Variants in ELP3 observed in about 807,000 individuals in gnomAD.
ELP3 encodes the protein elongator complex protein 3.
In ELP3, 56 loss-of-function variants were observed where a neutral mutation model predicts 74.9. That is an observed-to-expected ratio of 0.75 (90% confidence interval 0.60 to 0.93). ELP3 has a LOEUF of 0.93. Among genes scored for constraint, ELP3 ranks in the 40% least tolerant of loss-of-function variants. The pLI, the probability that ELP3 is intolerant of heterozygous loss-of-function variation, is 0.00. For synonymous variants in ELP3, 222 were observed against 239.8 expected, an observed-to-expected ratio of 0.93 and a Z score of 0.68; for missense variants, 573 against 686.5, an observed-to-expected ratio of 0.83 and a Z score of 1.85.
chr8:28,154,585 A>G (rs1288900040), intron 10 of ELP3, among the ~76,000 whole-genome samples: 1 of 152,146 alleles, frequency 6.6e-6, no homozygotes, highest in Non-Finnish European at 1.5e-5. Context: ...ATTTCAGGGT[A>G]AAAAAGGGCA....
chr8:28,150,899 T>G (rs972745472), intron 10 of ELP3, among the ~76,000 whole-genome samples: 2 of 152,182 alleles, frequency 1.3e-5, no homozygotes, highest in African/African-American at 4.8e-5. Context: ...ACCCAAGCCA[T>G]TCTCCCACCT....
At chr8:28,176,498 G>C (rs1814760734) in intron 14 of ELP3, among the ~76,000 whole-genome samples, 1 of 152,152 alleles carries the variant, frequency 6.6e-6, no homozygotes, top group South Asian at 2.1e-4. Flanking sequence ...AATGGGGGAT[G>C]GTTGGTGGCT....
intron 14 of ELP3, among the ~76,000 whole-genome samples, chr8:28,180,724 G>A (rs373868058): frequency 2.3e-4 from 35 of 152,286 alleles, no homozygotes; most frequent in African/African-American, 6.5e-4. Flanking sequence ...TCTCAGAGTC[G>A]TAGTTGTCTA....
chr8:28,181,750 C>T (rs1049926442), intron 14 of ELP3, among the ~76,000 whole-genome samples: 8 of 152,232 alleles, frequency 5.3e-5, no homozygotes, highest in Admixed American at 3.3e-4. Flanking sequence ...TGGGGTCAGG[C>T]AGGCTGGGTC....
intron 9 of ELP3, among the ~76,000 whole-genome samples, chr8:28,137,286 A>C (rs1258241852): frequency 6.6e-6 from 1 of 152,186 alleles, no homozygotes; most frequent in Non-Finnish European, 1.5e-5. Flanking sequence ...GATTTTTTTT[A>C]AGTGGGACAG....
upstream of ELP3, chr8:28,092,992 G>A (rs1277391399): frequency 7.2e-6 from 5 of 693,240 alleles, no homozygotes; most frequent in East Asian, 2.7e-5. Flanking sequence ...GAGACCCGGG[G>A]CAGGATCGCA....
upstream of ELP3, among the ~76,000 whole-genome samples, chr8:28,091,136 G>A (rs1448621139): frequency 6.6e-6 from 1 of 151,952 alleles, no homozygotes; most frequent in African/African-American, 2.4e-5. Context: ...TTGATCTCCT[G>A]ACCTTGTGAT....
intron 10 of ELP3, among the ~76,000 whole-genome samples, chr8:28,140,175 T>A (rs1035144819): frequency 2.0e-5 from 3 of 150,958 alleles, no homozygotes; most frequent in African/African-American, 7.3e-5. Flanking sequence ...ATCAGTGTAC[T>A]TAGTTTCCAG....
In ELP3 at chr8:28,110,428, G is replaced by A. The variant is rs776985748; in HGVS notation, c.452G>A (p.Arg151Gln). The change falls in exon 6 of 15, where the codon CGA (arginine) becomes CAA (glutamine). Residue 151 changes from arginine (R) to glutamine (Q), a missense_variant. Transcript: ENST00000256398. ...GACCCTTTCCTACAGACAAGACACC[G>A]AATAGAACAGGTACATTTTTAAAAA... ...RYDPFLQTRH[R>Q]IEQLKQLGHS... is the part of the protein sequence containing the mutation. 4.3e-6 allele frequency: 7 copies of A among 1,612,028 alleles called. No individual in the cohort carries two copies. The highest frequency in any genetic ancestry group is 1.7e-5 in the Admixed American group (1 of 59,556).
intron 10 of ELP3, among the ~76,000 whole-genome samples, chr8:28,141,731 A>G (rs1278327679): frequency 1.3e-5 from 2 of 152,214 alleles, no homozygotes; most frequent in African/African-American, 4.8e-5. Context: ...GATTGTTTCA[A>G]AATCTAAACT....
chr8:28,103,433 A>C (rs1233830141), intron 3 of ELP3, among the ~76,000 whole-genome samples: 1 of 152,070 alleles, frequency 6.6e-6, no homozygotes, highest in African/African-American at 2.4e-5. Flanking sequence ...GTACGGATGT[A>C]CCACTATTTG....
intron 14 of ELP3, among the ~76,000 whole-genome samples, chr8:28,167,703 C>A (rs1814362178): frequency 6.6e-6 from 1 of 151,448 alleles, no homozygotes; most frequent in Non-Finnish European, 1.5e-5. Flanking sequence ...GAGTGTTTGT[C>A]CTTTTGTACT....
chr8:28,124,438 C>T (rs911755687), intron 7 of ELP3, among the ~76,000 whole-genome samples: 1 of 152,166 alleles, frequency 6.6e-6, no homozygotes, highest in South Asian at 2.1e-4. Flanking sequence ...TTATACCTTT[C>T]TGTCATCTAT....
At chr8:28,158,706 T>G (rs1813944055) in intron 12 of ELP3, 73 bp downstream of exon 12, 2 of 1,229,648 alleles carry the variant, frequency 1.6e-6, no homozygotes, top group African/African-American at 1.5e-5. Flanking sequence ...CCACATATTC[T>G]TAACCAAGGA....
intron 6 of ELP3, chr8:28,111,014 G>A (rs1274976721): frequency 6.5e-6 from 1 of 153,564 alleles, no homozygotes; most frequent in African/African-American, 2.4e-5. Context: ...GGAAGGTCAA[G>A]GCTGCAGTGA....
chr8:28,096,437 G>A (rs181815617), intron 1 of ELP3, among the ~76,000 whole-genome samples: 49 of 152,342 alleles, frequency 3.2e-4, no homozygotes, highest in African/African-American at 1.1e-3. Flanking sequence ...TGAGAAGCTT[G>A]CTTGCTGACA....
At chr8:28,100,150 A>G (rs1214428787) in intron 3 of ELP3, among the ~76,000 whole-genome samples, 184 bp downstream of exon 3, 1 of 152,190 alleles carries the variant, frequency 6.6e-6, no homozygotes, top group Non-Finnish European at 1.5e-5. Context: ...AGAGAGAAAA[A>G]AATATAATTG....
chr8:28,180,656 TC>T (rs1381056495), intron 14 of ELP3, among the ~76,000 whole-genome samples: 1 of 152,212 alleles, frequency 6.6e-6, no homozygotes, highest in Non-Finnish European at 1.5e-5. Context: ...CAGGAATACT[TC>T]AAGACCTAGG....
chr8:28,153,683 G>A (rs899728315), intron 10 of ELP3, among the ~76,000 whole-genome samples: 2 of 152,152 alleles, frequency 1.3e-5, no homozygotes, highest in African/African-American at 2.4e-5. Flanking sequence ...CTCCGTGGGC[G>A]AGTCTCTTAC....
Sources: gnomAD v4.1 joint callset for allele counts (sites outside exome capture counted in the v4.1 genomes callset) on GRCh38, gnomAD v4.1.1 for gene constraint, MANE v1.5 for transcripts, NCBI Gene and HGNC (gene_info 2026-07-23, HGNC 2026-07-21) for gene names.